Variants in THRAP3 observed in about 807,000 individuals in gnomAD.
The protein encoded by THRAP3 is thyroid hormone receptor associated protein 3, also known as thyroid hormone receptor-associated protein 3.
A neutral mutation model predicts 101.0 loss-of-function variants in THRAP3; 16 were observed. The ratio of observed to expected loss-of-function variants is 0.16; its 90% confidence interval spans 0.11 to 0.24. THRAP3 has a LOEUF of 0.24. Among genes scored for constraint, THRAP3 ranks in the 10% least tolerant of loss-of-function variants. The pLI is 1.00. For synonymous variants in THRAP3, 407 were observed against 422.6 expected, an observed-to-expected ratio of 0.96 and a Z score of 0.45; for missense variants, 989 against 1,202.7, an observed-to-expected ratio of 0.82 and a Z score of 2.63.
intron 9 of THRAP3, 92 bp downstream of exon 9, chr1:36,296,862 T>G: frequency 9.5e-7 from 1 of 1,054,464 alleles, no homozygotes; most frequent in Admixed American, 3.1e-5. Context: ...CAGAGGAGTT[T>G]AGGGTTAGTA....
intron 1 of THRAP3, among the ~76,000 whole-genome samples, chr1:36,245,851 C>A (rs111784207): frequency 6.6e-6 from 1 of 152,074 alleles, no homozygotes; most frequent in African/African-American, 2.4e-5. Flanking sequence ...CTCCCCACAC[C>A]CACCAAAATC....
intron 1 of THRAP3, among the ~76,000 whole-genome samples, chr1:36,254,797 T>A (rs190295593): frequency 4.9e-4 from 75 of 152,282 alleles, no homozygotes; most frequent in East Asian, 5.8e-4. Flanking sequence ...TAAAAAAAAA[T>A]TTTTTAAAAC....
At chr1:36,238,646 CT>C (rs555312664) in intron 1 of THRAP3, among the ~76,000 whole-genome samples, 2 of 152,108 alleles carry the variant, frequency 1.3e-5, no homozygotes, top group African/African-American at 4.8e-5. Context: ...CTAAAATGGA[CT>C]TTTAGTCAGC....
intron 1 of THRAP3, among the ~76,000 whole-genome samples, chr1:36,229,798 A>G (rs1378595663): frequency 6.7e-6 from 1 of 149,350 alleles, no homozygotes; most frequent in African/African-American, 2.5e-5. Flanking sequence ...GATTACAGGC[A>G]TGTACCACCA....
At position 36,286,604 on chromosome 1, in the gene THRAP3, C is replaced by T; in HGVS notation, c.374C>T (p.Ser125Leu). 1 of 1,614,178 alleles carries T rather than the reference C, an allele frequency of 6.2e-7. No individual in the cohort carries two copies. The highest frequency in any genetic ancestry group is 8.5e-7 in the Non-Finnish European group (1 of 1,180,032). The change falls in exon 4 of 12, where the codon TCA becomes TTA. Residue 125 changes from serine (S) to leucine (L), a missense_variant. Transcript: ENST00000354618. This position sits in a 1 kb window ranked among gnomAD's most constrained non-coding sequence, Gnocchi z 5.5. Reference sequence around the variant, plus strand: ...GCATACAGTCCTCGTCGAGGCCGTTCAAGATCCCGGTCCCCAAAGAGAAGG... The same window carrying T: ...GCATACAGTCCTCGTCGAGGCCGTTTAAGATCCCGGTCCCCAAAGAGAAGG... The part of the protein sequence containing the change: ...RQAYSPRRGR[S>L]RSRSPKRRSP...
At chr1:36,257,079 G>A (rs986948582) in intron 1 of THRAP3, among the ~76,000 whole-genome samples, 1 of 152,120 alleles carries the variant, frequency 6.6e-6, no homozygotes, top group African/African-American at 2.4e-5. Flanking sequence ...TTACAGGTGT[G>A]AGCCACCGCG....
the THRAP3 span, among the ~76,000 whole-genome samples, chr1:36,209,618 A>G: frequency 6.6e-6 from 1 of 152,168 alleles, no homozygotes; most frequent in Non-Finnish European, 1.5e-5. Context: ...GAGTAAATAA[A>G]ACGTGCCAGC....
the THRAP3 span, among the ~76,000 whole-genome samples, chr1:36,208,247 G>A: frequency 6.6e-6 from 1 of 152,096 alleles, no homozygotes; most frequent in Non-Finnish European, 1.5e-5. Context: ...GCCTCAGGAT[G>A]AAGTCCTGTT....
At chr1:36,227,439 C>T (rs150235079) in intron 1 of THRAP3, among the ~76,000 whole-genome samples, 13,190 of 151,934 alleles carry the variant, frequency 0.087, 775 homozygotes, top group Middle Eastern at 0.23. Flanking sequence ...TGTGCCACCA[C>T]GCCTGGCTAA....
intron 2 of THRAP3, among the ~76,000 whole-genome samples, chr1:36,270,345 A>G (rs1372038001): frequency 7.9e-5 from 12 of 152,040 alleles, no homozygotes; most frequent in Admixed American, 7.9e-4. Flanking sequence ...AGTGAGCTAT[A>G]ATCGAGCCAC....
At chr1:36,220,336 G>A (rs1644895689), upstream of THRAP3, among the ~76,000 whole-genome samples, 1 of 152,082 alleles carries the variant, frequency 6.6e-6, no homozygotes. Context: ...CCGTTCTATA[G>A]CCCATGGATA....
intron 1 of THRAP3, among the ~76,000 whole-genome samples, chr1:36,235,588 T>A (rs148606247): frequency 0.016 from 2,486 of 152,244 alleles, 31 homozygotes; most frequent in Non-Finnish European, 0.027. Flanking sequence ...TCCTGAGATT[T>A]CCACCGTGAC....
chr1:36,293,741 G>T, intron 7 of THRAP3, 110 bp from the exon 8 acceptor site: 1 of 824,236 alleles, frequency 1.2e-6, no homozygotes, highest in Non-Finnish European at 1.9e-6. Flanking sequence ...GTCATGAAAC[G>T]TAAGGAAAAA....
intron 2 of THRAP3, among the ~76,000 whole-genome samples, chr1:36,271,001 C>G (rs1393758986): frequency 6.6e-6 from 1 of 151,972 alleles, no homozygotes; most frequent in Non-Finnish European, 1.5e-5. Context: ...AAATCTCTGC[C>G]TAAAAAAATT....
intron 1 of THRAP3, among the ~76,000 whole-genome samples, chr1:36,253,483 A>G (rs1002817601): frequency 6.6e-5 from 10 of 152,362 alleles, no homozygotes; most frequent in African/African-American, 2.2e-4. Flanking sequence ...TTTTGACAGT[A>G]TGAGAAGTGA....
Position 36,287,282 on chromosome 1 carries a change from A to G in THRAP3, c.1040+12A>G. The stretch of plus-strand genomic sequence containing the variant: ...GCCTATACAAAGAGGCAAGTATCTC[A>G]TTTCCCCTGCCTGGTTGTGTTTTTA... On this transcript the variant is annotated intron_variant, in intron 4 of 11. Transcript: ENST00000354618. 1 of 1,564,152 alleles carries G rather than the reference A, an allele frequency of 6.4e-7. No individual in the cohort carries two copies. The highest frequency in any genetic ancestry group is 8.7e-7 in the Non-Finnish European group (1 of 1,148,758).
At chr1:36,255,315 T>G (rs926404349) in intron 1 of THRAP3, among the ~76,000 whole-genome samples, 1 of 152,172 alleles carries the variant, frequency 6.6e-6, no homozygotes, top group Admixed American at 6.5e-5. Context: ...TGTTTCCTTA[T>G]GTTCTGTAGT....
At chr1:36,263,940 T>C (rs188097234) in intron 2 of THRAP3, among the ~76,000 whole-genome samples, 7 of 152,342 alleles carry the variant, frequency 4.6e-5, no homozygotes, top group African/African-American at 1.7e-4. Context: ...AATACGACCT[T>C]TCCTTCTAGC....
rs143562411 is a variant in THRAP3, at chr1:36,289,444, A to T, written c.1425A>T (p.Val475=). The T allele has an allele frequency of 6.2e-7, 1 of 1,614,126 alleles. No homozygotes were observed. Among genetic ancestry groups the T allele is most frequent in the Non-Finnish European group, 8.5e-7 (1 of 1,180,052 alleles). The change falls in exon 5 of 12, where the codon GTA becomes GTT. Residue 475 remains valine, a synonymous_variant. Coordinates refer to ENST00000354618, the MANE Select transcript of THRAP3 (RefSeq NM_005119.4). ...EEKSGKWEGL[V]YAPPGKEKQR... ...AGTCAGGCAAATGGGAGGGCCTGGT[A>T]TATGCACCTCCAGGGAAGGAAAAGC...
Sources: allele counts gnomAD v4.1 joint callset (sites outside exome capture counted in the v4.1 genomes callset), GRCh38; gene constraint gnomAD v4.1.1; non-coding constraint Gnocchi (gnomAD v3.1); transcripts MANE v1.5; gene names NCBI Gene and HGNC (gene_info 2026-07-23, HGNC 2026-07-21).